Variants in SFMBT1 observed in about 807,000 individuals in gnomAD.
The protein encoded by SFMBT1 is Scm like with four mbt domains 1.
A neutral mutation model predicts 108.7 loss-of-function variants in SFMBT1; 32 were observed. The observed-to-expected ratio is 0.29, with a 90% CI of 0.22 to 0.40. The LOEUF is 0.40. SFMBT1 is among the 10% of genes least tolerant of loss of function. SFMBT1 has a pLI of 1.00. For synonymous variants in SFMBT1, 348 were observed against 369.5 expected (o/e 0.94, Z 0.67); for missense variants, 816 against 1,059.6 (o/e 0.77, Z 3.19).
chr3:52,945,135 T>TCAAAAAAAAAAAAAAAAAAAAAAAAAA (rs1559521010), intron 3 of SFMBT1, among the ~76,000 whole-genome samples: 2 of 17,336 alleles, frequency 1.2e-4, no homozygotes, highest in Non-Finnish European at 3.4e-4. Context: ...CACCTTCCAA[T>TCAAAAAAAAAAAAAAAAAAAAAAAAAA]TAAAAAAAAA....
At chr3:52,970,770 T>C (rs922753815) in intron 1 of SFMBT1, among the ~76,000 whole-genome samples, 1 of 152,190 alleles carries the variant, frequency 6.6e-6, no homozygotes, top group Non-Finnish European at 1.5e-5. Flanking sequence ...AGAAAAAGCT[T>C]AGCTTTTAAT....
chr3:53,038,794 A>T (rs974408657), intron 1 of SFMBT1, among the ~76,000 whole-genome samples: 10 of 152,248 alleles, frequency 6.6e-5, no homozygotes, highest in Non-Finnish European at 1.2e-4. Flanking sequence ...TTTTCTATCA[A>T]TACAGAAACA....
At position 52,945,150 on chromosome 3, in the gene SFMBT1, A is replaced by AC. The variant is rs1435547333; in HGVS notation, c.124-1558_124-1557insG. Among the ~76,000 whole-genome samples the AC allele has an allele frequency of 4.0e-3, 595 of 149,228 alleles. 26 individuals carry two copies. The highest frequency in any genetic ancestry group is 0.014 in the African/African-American group (572 of 40,692). On this transcript the variant is annotated intron_variant, in intron 3 of 20. Transcript: ENST00000394752. Reference sequence around the variant, plus strand: ...CACCTTCCAATTAAAAAAAAAAAAAAACAAGGACTTCAGGGAAAAAAGCTT... The same window carrying AC: ...CACCTTCCAATTAAAAAAAAAAAAAACACAAGGACTTCAGGGAAAAAAGCTT...
intron 1 of SFMBT1, among the ~76,000 whole-genome samples, chr3:53,008,296 G>A (rs1160311257): frequency 6.6e-6 from 1 of 152,134 alleles, no homozygotes; most frequent in Non-Finnish European, 1.5e-5. Context: ...AGCATCAGGC[G>A]GACAACTCCA....
intron 1 of SFMBT1, among the ~76,000 whole-genome samples, chr3:53,004,406 G>A (rs939636246): frequency 6.7e-6 from 1 of 149,558 alleles, no homozygotes; most frequent in South Asian, 2.1e-4. Context: ...CCAAGTAGCT[G>A]GAACTACAGG....
intron 13 of SFMBT1, 41 bp from the exon 14 acceptor site, chr3:52,916,255 A>G: frequency 6.4e-7 from 1 of 1,562,392 alleles, no homozygotes; most frequent in East Asian, 2.2e-5. Context: ...GATAATTCTT[A>G]AGATCAGTAA....
intron 1 of SFMBT1, among the ~76,000 whole-genome samples, chr3:53,042,591 G>C (rs569420460): frequency 8.5e-4 from 129 of 152,240 alleles, no homozygotes; most frequent in South Asian, 1.7e-3. Context: ...CGATCCTCTT[G>C]CCTAGCCTCC....
At chr3:52,935,763 G>A (rs1211706811) in intron 4 of SFMBT1, among the ~76,000 whole-genome samples, 1 of 152,120 alleles carries the variant, frequency 6.6e-6, no homozygotes, top group Non-Finnish European at 1.5e-5. Context: ...GATTACATCA[G>A]GACCCAAGTG....
intron 1 of SFMBT1, among the ~76,000 whole-genome samples, chr3:53,029,950 G>GA (rs947847760): frequency 3.9e-4 from 57 of 144,854 alleles, no homozygotes; most frequent in African/African-American, 1.1e-3. Context: ...CACTAACTTA[G>GA]AAAAAAAAAC....
intron 1 of SFMBT1, among the ~76,000 whole-genome samples, chr3:52,991,113 T>C (rs1705107990): frequency 6.6e-6 from 1 of 152,188 alleles, no homozygotes; most frequent in South Asian, 2.1e-4. Context: ...AATTGCTCTT[T>C]GTTTCACTGA....
intron 3 of SFMBT1, among the ~76,000 whole-genome samples, chr3:52,946,851 A>G (rs1257214869): frequency 2.0e-5 from 3 of 149,990 alleles, no homozygotes; most frequent in African/African-American, 7.4e-5. Context: ...GGCTCACTGC[A>G]AACTCCACCT....
intron 9 of SFMBT1, 36 bp from the exon 10 acceptor site, chr3:52,926,149 C>CA (rs751804193): frequency 6.3e-7 from 1 of 1,580,802 alleles, no homozygotes; most frequent in East Asian, 2.3e-5. Flanking sequence ...GTCACACTAC[C>CA]ACACCACATA....
At chr3:52,971,270 T>C (rs1005189362) in intron 1 of SFMBT1, among the ~76,000 whole-genome samples, 3 of 152,228 alleles carry the variant, frequency 2.0e-5, no homozygotes, top group African/African-American at 7.2e-5. Context: ...AAAGATCTTT[T>C]TCAGATTTTA....
At chr3:52,976,568 T>A (rs1056464562) in intron 1 of SFMBT1, among the ~76,000 whole-genome samples, 1 of 152,148 alleles carries the variant, frequency 6.6e-6, no homozygotes, top group Non-Finnish European at 1.5e-5. Context: ...AGCCTTGGAA[T>A]AGCATAGATT....
chr3:53,000,069 A>C (rs145215065), intron 1 of SFMBT1, among the ~76,000 whole-genome samples: 1 of 149,700 alleles, frequency 6.7e-6, no homozygotes, highest in Non-Finnish European at 1.5e-5. Flanking sequence ...TCACCGTGTT[A>C]GCCAGGATGG....
intron 1 of SFMBT1, among the ~76,000 whole-genome samples, chr3:53,002,002 C>CTTTGT (rs1698574499): frequency 1.4e-5 from 2 of 148,122 alleles, no homozygotes; most frequent in African/African-American, 4.9e-5. Context: ...CTGTTTTGAA[C>CTTTGT]TTTGTTTTCT....
At chr3:53,001,925 T>TCTCACACTCACACA (rs1448849638) in intron 1 of SFMBT1, among the ~76,000 whole-genome samples, 1 of 129,132 alleles carries the variant, frequency 7.7e-6, no homozygotes, top group African/African-American at 2.8e-5. Flanking sequence ...ACCCAGTCTC[T>TCTCACACTCACACA]CACACACACA....
At chr3:53,044,879 C>A (rs1195346830) in intron 1 of SFMBT1, 1 of 152,328 alleles carries the variant, frequency 6.6e-6, no homozygotes, top group Non-Finnish European at 1.5e-5. Context: ...GTGACCTGTG[C>A]CTGCCGGCTT....
chr3:52,981,009 A>G (rs913457480), intron 1 of SFMBT1, among the ~76,000 whole-genome samples: 2 of 152,084 alleles, frequency 1.3e-5, no homozygotes, highest in African/African-American at 4.8e-5. Context: ...CTAAAAATAC[A>G]AAATTAGCCG....
Sources: allele counts gnomAD v4.1 joint callset (sites outside exome capture counted in the v4.1 genomes callset), GRCh38; gene constraint gnomAD v4.1.1; transcripts MANE v1.5; gene names NCBI Gene and HGNC (gene_info 2026-07-23, HGNC 2026-07-21).